The following XYLT1 variants were observed in gnomAD, a reference collection of about 807,000 sequenced individuals.
The protein encoded by XYLT1 is beta-D-xylosyltransferase 1.
Under a neutral mutation model 91.3 loss-of-function variants are expected in XYLT1, and 36 were observed. The observed-to-expected ratio is 0.39, with a 90% CI of 0.30 to 0.52. XYLT1 has a LOEUF of 0.52. Among genes scored for constraint, XYLT1 ranks in the 20% least tolerant of loss-of-function variants. The pLI is 0.68. For synonymous variants in XYLT1, 588 were observed against 532.0 expected (o/e 1.11, Z -1.45); for missense variants, 1,242 against 1,284.5 (o/e 0.97, Z 0.51).
At chr16:17,307,629 T>C (rs917609504) in intron 2 of XYLT1, among the ~76,000 whole-genome samples, 4 of 152,206 alleles carry the variant, frequency 2.6e-5, no homozygotes, top group Non-Finnish European at 5.9e-5. Flanking sequence ...TCAATACATC[T>C]TTCATAAGAG....
At chr16:17,247,926 G>A (rs565654045) in intron 3 of XYLT1, among the ~76,000 whole-genome samples, 7 of 152,292 alleles carry the variant, frequency 4.6e-5, no homozygotes, top group Admixed American at 6.5e-5. Context: ...ATGACCTCTT[G>A]TTCAGGGCTC....
At chr16:17,411,202 A>G (rs2036102933) in intron 1 of XYLT1, among the ~76,000 whole-genome samples, 1 of 152,182 alleles carries the variant, frequency 6.6e-6, no homozygotes, top group Non-Finnish European at 1.5e-5. Context: ...GTCAATTTAA[A>G]CCAAGGACTG....
intron 2 of XYLT1, among the ~76,000 whole-genome samples, chr16:17,270,368 C>A (rs2033871151): frequency 6.6e-6 from 1 of 152,312 alleles, no homozygotes; most frequent in Admixed American, 6.5e-5. Flanking sequence ...CCTGACTTAA[C>A]CCACTCCCCT....
At chr16:17,341,622 G>A (rs1253718537) in intron 2 of XYLT1, among the ~76,000 whole-genome samples, 1 of 151,964 alleles carries the variant, frequency 6.6e-6, no homozygotes, top group Admixed American at 6.6e-5. Flanking sequence ...CTTGTGCACC[G>A]ACATAATACA....
intron 2 of XYLT1, among the ~76,000 whole-genome samples, chr16:17,274,099 A>T (rs1162738878): frequency 6.6e-6 from 1 of 151,894 alleles, no homozygotes; most frequent in Non-Finnish European, 1.5e-5. Context: ...TTTAGTAGAG[A>T]CAGCGTTTCA....
intron 1 of XYLT1, among the ~76,000 whole-genome samples, chr16:17,406,807 C>A (rs573419289): frequency 6.6e-6 from 1 of 152,154 alleles, no homozygotes; most frequent in South Asian, 2.1e-4. Context: ...ATGGCCATTT[C>A]TTTTCCTTGT....
intron 2 of XYLT1, among the ~76,000 whole-genome samples, chr16:17,337,192 A>C (rs150151808): frequency 6.6e-6 from 1 of 151,992 alleles, no homozygotes; most frequent in Non-Finnish European, 1.5e-5. Flanking sequence ...ACTTCCTGAG[A>C]ATCTTTTTTC....
At chr16:17,132,426 G>C (rs2030518483) in intron 9 of XYLT1, among the ~76,000 whole-genome samples, 2 of 152,122 alleles carry the variant, frequency 1.3e-5, no homozygotes, top group Admixed American at 1.3e-4. Flanking sequence ...AATACAGGGA[G>C]AGAACAAGGA....
chr16:17,382,142 G>A (rs1225647451), intron 1 of XYLT1, among the ~76,000 whole-genome samples: 1 of 151,894 alleles, frequency 6.6e-6, no homozygotes, highest in African/African-American at 2.4e-5. Context: ...GATTCACAGT[G>A]AGAGAAGCCA....
At chr16:17,405,170 G>GA (rs1459498108) in intron 1 of XYLT1, among the ~76,000 whole-genome samples, 2 of 152,200 alleles carry the variant, frequency 1.3e-5, no homozygotes, top group African/African-American at 2.4e-5. Context: ...TCCTGCTGAG[G>GA]AATGAATGTG....
At chr16:17,464,703 G>A (rs747426999) in intron 1 of XYLT1, among the ~76,000 whole-genome samples, 1 of 152,008 alleles carries the variant, frequency 6.6e-6, no homozygotes, top group Non-Finnish European at 1.5e-5. Context: ...TAACTGCCAT[G>A]CAGTCATTAT....
chr16:17,463,992 C>A (rs2036853456), intron 1 of XYLT1, among the ~76,000 whole-genome samples: 1 of 152,068 alleles, frequency 6.6e-6, no homozygotes. Context: ...CACTTAGAGA[C>A]AAATATCACA....
At chr16:17,467,774 ACT>A (rs2036919150) in intron 1 of XYLT1, among the ~76,000 whole-genome samples, 1 of 151,930 alleles carries the variant, frequency 6.6e-6, no homozygotes, top group Non-Finnish European at 1.5e-5. Flanking sequence ...CCTGCCTGAC[ACT>A]CTCTGCAACA....
At chr16:17,160,100 G>A (rs1229789287) in intron 5 of XYLT1, among the ~76,000 whole-genome samples, 2 of 152,198 alleles carry the variant, frequency 1.3e-5, no homozygotes. Flanking sequence ...TGCTTGGGCA[G>A]AAACAGAAAG....
chr16:17,304,189 G>C (rs1240578105), intron 2 of XYLT1, among the ~76,000 whole-genome samples: 1 of 152,148 alleles, frequency 6.6e-6, no homozygotes, highest in African/African-American at 2.4e-5. Context: ...TAGATCAGAG[G>C]AACAGAGGAG....
chr16:17,396,453 G>A (rs545930171), intron 1 of XYLT1, among the ~76,000 whole-genome samples: 2 of 152,308 alleles, frequency 1.3e-5, no homozygotes, highest in African/African-American at 4.8e-5. Context: ...AATGAGTAAA[G>A]ATAAATGAAG....
chr16:17,298,618 A>G (rs895093911), intron 2 of XYLT1, among the ~76,000 whole-genome samples: 1 of 152,096 alleles, frequency 6.6e-6, no homozygotes. Flanking sequence ...TTGAGTTGGG[A>G]CAGTCAGCTC....
chr16:17,419,654 C>T (rs2036225815), intron 1 of XYLT1, among the ~76,000 whole-genome samples: 1 of 152,210 alleles, frequency 6.6e-6, no homozygotes, highest in South Asian at 2.1e-4. Context: ...TTTTAGACAA[C>T]ATCTTTCACT....
At chr16:17,265,936 T>C (rs1596456742) in intron 2 of XYLT1, among the ~76,000 whole-genome samples, 1 of 152,212 alleles carries the variant, frequency 6.6e-6, no homozygotes, top group East Asian at 1.9e-4. Context: ...TGTCCAATTT[T>C]CTTATCTGTA....
Sources: gnomAD v4.1 joint callset for allele counts (sites outside exome capture counted in the v4.1 genomes callset) on GRCh38, gnomAD v4.1.1 for gene constraint, MANE v1.5 for transcripts, NCBI Gene and HGNC (gene_info 2026-07-23, HGNC 2026-07-21) for gene names.